NRXN2: variants seen among roughly 807,000 people sequenced by gnomAD.
NRXN2 encodes neurexin 2, also known as neurexin-2-beta.
NRXN2 carries 29 observed loss-of-function variants against 128.8 expected under a neutral mutation model. The observed-to-expected ratio is 0.23, with a 90% confidence interval of 0.17 to 0.31. The LOEUF (loss-of-function observed/expected upper bound fraction) is 0.31, where lower values mean the gene tolerates loss of function less well. Among genes scored for constraint, NRXN2 ranks in the 10% least tolerant of loss-of-function variants. NRXN2 has a pLI of 1.00. For synonymous variants in NRXN2, 1,098 were observed against 1,075.2 expected (o/e 1.02, Z -0.41); for missense variants, 1,881 against 2,452.6 (o/e 0.77, Z 4.92).
chr11:64,647,215 G>C (rs1199696908), intron 17 of NRXN2, among the ~76,000 whole-genome samples: 1 of 150,002 alleles, frequency 6.7e-6, no homozygotes, highest in Non-Finnish European at 1.5e-5. Context: ...CGTTGTGTGT[G>C]TGTGTGTGTG....
At position 64,611,890 on chromosome 11, in the gene NRXN2, C is replaced by T. The variant is rs1392204483; in HGVS notation, c.4253-3808G>A. 2.0e-5 allele frequency among the ~76,000 whole-genome samples: 3 copies of T among 151,978 alleles called. No individual in the cohort carries two copies. The South Asian group carries it at 6.2e-4, about 32-fold the overall frequency. On this transcript the variant is annotated intron_variant, in intron 22 of 22. Transcript: ENST00000265459. ...GTACGATCTCCTGAGGTGTCCTCCC[C>T]TCACCCACACCCCCCCACACTGCCA...
rs556062229 is a variant in NRXN2, at chr11:64,702,324, G to T, written c.731-4532C>A. 2.0e-5 allele frequency among the ~76,000 whole-genome samples: 3 copies of T among 152,326 alleles called. No homozygotes were observed. In the South Asian group the frequency reaches 6.2e-4, roughly 32 times the overall value. On this transcript the variant is annotated intron_variant, in intron 2 of 22. Transcript: ENST00000265459. ...GTACCCAACAGCTCATTGAGAACGG[G>T]CCATGATGACAATGGCGGTTTTGTA...
Position 64,687,665 on chromosome 11 carries a change from G to A in NRXN2, c.851-1718C>T, listed in dbSNP as rs538524694. The stretch of plus-strand genomic sequence containing the variant: ...AGAGTGGCAAGGAGGAGGGAAGGAG[G>A]GAGGTGGGGCAGAGCCAGGAAAAGG... On this transcript the variant is annotated intron_variant, in intron 5 of 22. Coordinates refer to ENST00000265459, the MANE Select transcript of NRXN2 (RefSeq NM_015080.4). Among the ~76,000 whole-genome samples, 10 of 152,300 alleles carry A rather than the reference G, an allele frequency of 6.6e-5. No homozygotes were observed. In the South Asian group the frequency reaches 1.7e-3, roughly 25 times the overall value.
intron 17 of NRXN2, among the ~76,000 whole-genome samples, chr11:64,644,773 CA>C (rs1481988009): frequency 1.3e-5 from 2 of 149,858 alleles, no homozygotes; most frequent in African/African-American, 2.5e-5. Flanking sequence ...GGACAGGAGG[CA>C]GGGGCGGGTG....
chr11:64,652,669 C>T (rs1198384904), intron 12 of NRXN2, among the ~76,000 whole-genome samples: 3 of 152,184 alleles, frequency 2.0e-5, no homozygotes, highest in East Asian at 1.9e-4. Flanking sequence ...GTTACACAGA[C>T]ACCAGCTCCT....
Position 64,723,002 on chromosome 11 carries a change from G to A in NRXN2, c.-276C>T, listed in dbSNP as rs2057478598. 6.8e-6 allele frequency: 1 copy of A among 146,942 alleles called. No homozygotes were observed. Among genetic ancestry groups the A allele is most frequent in the Non-Finnish European group, 1.5e-5 (1 of 66,256 alleles). 9.1% of individuals were successfully genotyped at this position (146,942 alleles called of 1,614,324 possible). ...CTCGGGGCGCCAGAAGCTGGAGGGTGGGTAGCAGAGCTACAGGGCCGCCCC... is the reference window on the plus strand; with the variant it reads ...CTCGGGGCGCCAGAAGCTGGAGGGTAGGTAGCAGAGCTACAGGGCCGCCCC... On this transcript the variant is annotated 5_prime_UTR_variant, in exon 1 of 23. Coordinates refer to ENST00000265459, the MANE Select transcript of NRXN2 (RefSeq NM_015080.4).
At position 64,620,391 on chromosome 11, in the gene NRXN2, G is replaced by T; in HGVS notation, c.4174-19C>A. 6.5e-7 allele frequency: 1 copy of T among 1,546,988 alleles called. No homozygotes were observed. The highest frequency in any genetic ancestry group is 8.7e-7 in the Non-Finnish European group (1 of 1,143,280). ...CTGTGTTCTGAGGGGCGAGAGAAGG[G>T]GTGGGGAAAGAGAGGTTCCAGGCAG... On this transcript the variant is annotated intron_variant, in intron 21 of 22. Transcript: ENST00000265459.
intron 2 of NRXN2, among the ~76,000 whole-genome samples, chr11:64,701,252 G>A (rs1305249778): frequency 6.6e-6 from 1 of 152,142 alleles, no homozygotes; most frequent in Non-Finnish European, 1.5e-5. Flanking sequence ...GGTTAAAGTC[G>A]AATCTTCTCA....
chr11:64,651,307 G>A lies in NRXN2; in HGVS notation c.2866C>T (p.Leu956=), dbSNP rs764137774. The A allele has an allele frequency of 6.2e-7, 1 of 1,614,218 alleles. No individual in the cohort carries two copies. The highest frequency in any genetic ancestry group is 8.5e-7 in the Non-Finnish European group (1 of 1,180,034). ...TCATTGCCGTTGCCCGAGTTGAACAGAAGAAGCCCATCAGGGGCCGTGGTC... is the reference window on the plus strand; with the variant it reads ...TCATTGCCGTTGCCCGAGTTGAACAAAAGAAGCCCATCAGGGGCCGTGGTC... ...FKTTAPDGLL[L]FNSGNGNDFI... is the part of the protein sequence containing the mutation. Residue 956 remains leucine, a synonymous_variant, in exon 14 of 23, where the codon CTG becomes TTG. Coordinates refer to ENST00000265459, the MANE Select transcript of NRXN2 (RefSeq NM_015080.4). This position sits in a 1 kb window ranked among gnomAD's most constrained non-coding sequence, Gnocchi z 5.9.
chr11:64,715,646 C>T lies in NRXN2; in HGVS notation c.-244-1703G>A, dbSNP rs71579860. Among the ~76,000 whole-genome samples, 559 of 152,210 alleles carry T rather than the reference C, an allele frequency of 3.7e-3. 5 individuals carry two copies. The highest frequency in any genetic ancestry group is 6.8e-3 in the Middle Eastern group (2 of 294). On this transcript the variant is annotated intron_variant, in intron 1 of 22. Coordinates refer to ENST00000265459, the MANE Select transcript of NRXN2 (RefSeq NM_015080.4). Reference sequence around the variant, plus strand: ...CAAGAGGCCGGTAAAGCTCAGCCCTCGGGTCCTGCCATCCAGCTCCTGACT... The same window carrying T: ...CAAGAGGCCGGTAAAGCTCAGCCCTTGGGTCCTGCCATCCAGCTCCTGACT...
At chr11:64,620,394 G>T (rs913690527) in intron 21 of NRXN2, 22 bp from the exon 22 acceptor site, 1 of 1,544,556 alleles carries the variant, frequency 6.5e-7, no homozygotes, top group South Asian at 1.2e-5. Flanking sequence ...GAGAAGGGGT[G>T]GGGAAAGAGA....
At chr11:64,709,959 G>A (rs185740727) in intron 2 of NRXN2, among the ~76,000 whole-genome samples, 4 of 149,036 alleles carry the variant, frequency 2.7e-5, no homozygotes, top group Admixed American at 2.0e-4. Context: ...CCAGGCTGGA[G>A]TGCAGTGGTG....
At chr11:64,644,950 A>G (rs746638022) in intron 17 of NRXN2, among the ~76,000 whole-genome samples, 68 of 152,256 alleles carry the variant, frequency 4.5e-4, no homozygotes, top group Middle Eastern at 3.4e-3. Context: ...CATCTCCCCA[A>G]TGCTGCTGCC....
At chr11:64,620,416 G>T in intron 21 of NRXN2, 44 bp from the exon 22 acceptor site, 1 of 1,478,736 alleles carries the variant, frequency 6.8e-7, no homozygotes. Context: ...GTTCCAGGCA[G>T]GTCAGCAGAT....
chr11:64,703,214 T>C (rs1484386246), intron 2 of NRXN2, among the ~76,000 whole-genome samples: 2 of 152,202 alleles, frequency 1.3e-5, no homozygotes, highest in African/African-American at 2.4e-5. Flanking sequence ...CATCTCTCTA[T>C]ATCCAGCTGC....
chr11:64,677,418 A>G lies in NRXN2; in HGVS notation c.1153-381T>C, dbSNP rs777522304. Among the ~76,000 whole-genome samples, 15 of 151,974 alleles carry G rather than the reference A, an allele frequency of 9.9e-5. No individual in the cohort carries two copies. In the South Asian group the frequency reaches 2.1e-3, roughly 21 times the overall value. On this transcript the variant is annotated intron_variant, in intron 6 of 22. Coordinates refer to ENST00000265459, the MANE Select transcript of NRXN2 (RefSeq NM_015080.4). ...CAGTTAGAGACCTTGGTTAGTAGAG[A>G]AGAAAACAACAAAAGAACTGGACCA... is the stretch of plus-strand genomic sequence containing the variant.
chr11:64,686,792 T>C (rs914907882), intron 5 of NRXN2, among the ~76,000 whole-genome samples: 2 of 152,216 alleles, frequency 1.3e-5, no homozygotes, highest in African/African-American at 4.8e-5. Context: ...CATGTCTGTG[T>C]GTGTGCATGT....
chr11:64,684,036 C>T (rs1008258271), intron 6 of NRXN2, among the ~76,000 whole-genome samples: 2 of 152,192 alleles, frequency 1.3e-5, no homozygotes, highest in Non-Finnish European at 2.9e-5. Context: ...TTAACAGACT[C>T]ATCCTGTCTC....
At chr11:64,645,689 G>C (rs972056956) in intron 17 of NRXN2, among the ~76,000 whole-genome samples, 1 of 152,110 alleles carries the variant, frequency 6.6e-6, no homozygotes, top group Non-Finnish European at 1.5e-5. Context: ...CCACCCCCAG[G>C]AGTAGTCCCC....
Sources: gnomAD v4.1 joint callset for allele counts (sites outside exome capture counted in the v4.1 genomes callset) on GRCh38, gnomAD v4.1.1 for gene constraint, Gnocchi (gnomAD v3.1) non-coding constraint, MANE v1.5 for transcripts, NCBI Gene and HGNC (gene_info 2026-07-23, HGNC 2026-07-21) for gene names.